The following DPP10 variants were observed in gnomAD, a reference collection of about 807,000 sequenced individuals.
DPP10 encodes the protein inactive dipeptidyl peptidase 10.
A neutral mutation model predicts 120.9 loss-of-function variants in DPP10; 33 were observed. The observed-to-expected ratio is 0.27, with a 90% CI of 0.21 to 0.37. The LOEUF (loss-of-function observed/expected upper bound fraction) is 0.37, where lower values mean the gene tolerates loss of function less well. DPP10 is among the 10% of genes least tolerant of loss of function. The pLI, the probability that DPP10 is intolerant of heterozygous loss-of-function variation, is 1.00. For synonymous variants in DPP10, 337 were observed against 326.1 expected (o/e 1.03, Z -0.36); for missense variants, 816 against 942.8 (o/e 0.87, Z 1.76).
At chr2:115,412,959 A>G (rs1410622929) in intron 3 of DPP10, among the ~76,000 whole-genome samples, 1 of 152,130 alleles carries the variant, frequency 6.6e-6, no homozygotes, top group African/African-American at 2.4e-5. Flanking sequence ...GTGTTTATAT[A>G]TTTGTAATTC....
rs1007654229 is a variant in DPP10, at chr2:114,862,475, CA to C, written c.60+419639del. Among the ~76,000 whole-genome samples the C allele has an allele frequency of 2.8e-4, 43 of 152,006 alleles. 2 individuals carry two copies. On this transcript the variant is annotated intron_variant, in intron 1 of 25. Coordinates refer to ENST00000410059, the MANE Select transcript of DPP10 (RefSeq NM_020868.6). ...CTCACACTCGGGAAGCTGATGCTGA[CA>C]ACATTTTTGGCAGATGGACTGTGAT...
intron 4 of DPP10, among the ~76,000 whole-genome samples, chr2:115,521,049 G>A (rs1052001443): frequency 2.0e-5 from 3 of 152,128 alleles, no homozygotes; most frequent in African/African-American, 7.2e-5. Flanking sequence ...AAGAAGGACA[G>A]GGAAGGCTTA....
intron 3 of DPP10, among the ~76,000 whole-genome samples, chr2:115,485,488 AATT>A (rs1380948022): frequency 6.6e-6 from 1 of 152,034 alleles, no homozygotes; most frequent in Non-Finnish European, 1.5e-5. Context: ...TGTGAATTTT[AATT>A]ATTCTTTCTG....
At chr2:114,752,118 C>T (rs1368176866) in intron 1 of DPP10, among the ~76,000 whole-genome samples, 1 of 151,890 alleles carries the variant, frequency 6.6e-6, no homozygotes, top group Non-Finnish European at 1.5e-5. Flanking sequence ...CAAATGATGC[C>T]AATGGTCAGG....
At chr2:114,617,275 G>A (rs1474331114) in intron 1 of DPP10, among the ~76,000 whole-genome samples, 1 of 152,008 alleles carries the variant, frequency 6.6e-6, no homozygotes, top group Non-Finnish European at 1.5e-5. Context: ...ATTATTATAT[G>A]GTTAGGCTTA....
chr2:115,371,873 C>T (rs1208372386), intron 3 of DPP10, among the ~76,000 whole-genome samples: 1 of 152,032 alleles, frequency 6.6e-6, no homozygotes, highest in Non-Finnish European at 1.5e-5. Flanking sequence ...TTTGCTGATA[C>T]TTTCATAAAT....
At chr2:115,278,409 G>A (rs956035092) in intron 1 of DPP10, among the ~76,000 whole-genome samples, 1 of 152,100 alleles carries the variant, frequency 6.6e-6, no homozygotes, top group Non-Finnish European at 1.5e-5. Context: ...GTTGTTACAG[G>A]TGCCTTTTTG....
intron 5 of DPP10, among the ~76,000 whole-genome samples, chr2:115,686,498 A>G (rs1454278265): frequency 6.6e-6 from 1 of 152,080 alleles, no homozygotes; most frequent in East Asian, 1.9e-4. Context: ...GTAGTTGCTA[A>G]TTCAGTGTTT....
At chr2:115,442,529 GGAA>G (rs2072176336) in intron 3 of DPP10, among the ~76,000 whole-genome samples, 1 of 152,100 alleles carries the variant, frequency 6.6e-6, no homozygotes, top group South Asian at 2.1e-4. Flanking sequence ...TTGTAAGAGA[GGAA>G]GAAGATCAAA....
chr2:115,784,721 C>T (rs1348739096), intron 17 of DPP10, among the ~76,000 whole-genome samples: 4 of 151,964 alleles, frequency 2.6e-5, no homozygotes, highest in African/African-American at 7.3e-5. Context: ...TTAGTAGAGA[C>T]GGGGTTTCTC....
At chr2:114,506,270 A>T (rs143995853) in intron 1 of DPP10, among the ~76,000 whole-genome samples, 1 of 152,196 alleles carries the variant, frequency 6.6e-6, no homozygotes, top group Admixed American at 6.5e-5. Flanking sequence ...TGTCAGAGAG[A>T]AGTGACTTGA....
At chr2:115,276,465 C>T (rs2059926072) in intron 1 of DPP10, among the ~76,000 whole-genome samples, 1 of 152,068 alleles carries the variant, frequency 6.6e-6, no homozygotes, top group Non-Finnish European at 1.5e-5. Context: ...TATATTTTTT[C>T]TAAATGTGAG....
At position 115,146,268 on chromosome 2, in the gene DPP10, T is replaced by C. The variant is rs148118080; in HGVS notation, c.61-162971T>C. Among the ~76,000 whole-genome samples, 483 of 152,192 alleles carry C rather than the reference T, an allele frequency of 3.2e-3. 11 individuals are homozygous for C. Among genetic ancestry groups the C allele is most frequent in the African/African-American group, 0.011 (450 of 41,546 alleles). On this transcript the variant is annotated intron_variant, in intron 1 of 25. Transcript: ENST00000410059. ...AATTCTGAATTGTAAAATATTGCAT[T>C]AGAATCTTCATGCTGGGTGTGGATC...
chr2:115,103,897 T>A (rs1196240079), intron 1 of DPP10, among the ~76,000 whole-genome samples: 6 of 152,180 alleles, frequency 3.9e-5, no homozygotes, highest in African/African-American at 1.4e-4. Context: ...TGTTTTGGAT[T>A]TCATATTTTT....
chr2:114,478,606 G>A (rs1034020127), intron 1 of DPP10, among the ~76,000 whole-genome samples: 7 of 151,976 alleles, frequency 4.6e-5, no homozygotes, highest in Admixed American at 2.0e-4. Context: ...AGGAATGAAG[G>A]ATGAAAGGAG....
At chr2:115,821,257 A>C (rs1473439634) in intron 21 of DPP10, among the ~76,000 whole-genome samples, 1 of 152,134 alleles carries the variant, frequency 6.6e-6, no homozygotes, top group African/African-American at 2.4e-5. Flanking sequence ...TTTTCTAAGT[A>C]CATTTTAAGG....
chr2:114,895,269 A>T (rs183316204), intron 1 of DPP10, among the ~76,000 whole-genome samples: 1 of 152,366 alleles, frequency 6.6e-6, no homozygotes, highest in African/African-American at 2.4e-5. Context: ...TTCACAATCT[A>T]TGAAGAATTA....
At chr2:115,425,136 G>T (rs2070337872) in intron 3 of DPP10, among the ~76,000 whole-genome samples, 1 of 152,170 alleles carries the variant, frequency 6.6e-6, no homozygotes, top group Non-Finnish European at 1.5e-5. Flanking sequence ...CTGCAATTGG[G>T]TAGAGGTGCT....
intron 1 of DPP10, among the ~76,000 whole-genome samples, chr2:115,027,606 T>C (rs369902566): frequency 3.3e-5 from 5 of 152,292 alleles, no homozygotes; most frequent in African/African-American, 9.6e-5. Flanking sequence ...TTTTGTGGTG[T>C]GTTTTTCTGG....
Sources: gnomAD v4.1 joint callset for allele counts (sites outside exome capture counted in the v4.1 genomes callset) on GRCh38, gnomAD v4.1.1 for gene constraint, MANE v1.5 for transcripts, NCBI Gene and HGNC (gene_info 2026-07-23, HGNC 2026-07-21) for gene names.